CACNA1I: variants seen among roughly 807,000 people sequenced by gnomAD.
The protein encoded by CACNA1I is voltage-dependent T-type calcium channel subunit alpha-1I.
Under a neutral mutation model 201.6 loss-of-function variants are expected in CACNA1I, and 74 were observed. That is an observed-to-expected ratio of 0.37 (90% CI 0.30 to 0.45). CACNA1I has a LOEUF of 0.45. Among genes scored for constraint, CACNA1I ranks in the 20% least tolerant of loss-of-function variants. CACNA1I has a pLI of 1.00. For synonymous variants in CACNA1I, 1,431 were observed against 1,345.2 expected (o/e 1.06, Z -1.40); for missense variants, 2,346 against 3,138.1 (o/e 0.75, Z 6.03).
chr22:39,640,070 G>T (rs1934314822), intron 5 of CACNA1I, among the ~76,000 whole-genome samples: 1 of 152,164 alleles, frequency 6.6e-6, no homozygotes, highest in Non-Finnish European at 1.5e-5. Context: ...ATTGTTGTCT[G>T]TTTTATAGAT....
At chr22:39,621,855 T>G (rs1378218321) in intron 4 of CACNA1I, among the ~76,000 whole-genome samples, 2 of 151,912 alleles carry the variant, frequency 1.3e-5, no homozygotes, top group African/African-American at 4.8e-5. Flanking sequence ...GGAGGGGACA[T>G]GCGGAGAGGC....
chr22:39,631,349 G>A (rs1169346987), intron 4 of CACNA1I, among the ~76,000 whole-genome samples: 1 of 152,218 alleles, frequency 6.6e-6, no homozygotes, highest in Non-Finnish European at 1.5e-5. Flanking sequence ...GGGAGCCAGG[G>A]CCCTCAATCA....
chr22:39,597,759 GAGGGAAAGGTGGTCAGAGA>G (rs1932923343), intron 1 of CACNA1I, among the ~76,000 whole-genome samples: 1 of 152,252 alleles, frequency 6.6e-6, no homozygotes, highest in Admixed American at 6.5e-5. Context: ...TGGGTCAGGG[GAGGGAAAGGTGGTCAGAGA>G]AGGGAGGCAG....
chr22:39,659,877 G>T lies in CACNA1I; in HGVS notation c.2604+25G>T, dbSNP rs1934945557. ...GGTGACTGTGGTCTTGGCAGAGGAA[G>T]CACCCCCACAGGGTCTGCGAAAGAC... On this transcript the variant is annotated intron_variant, in intron 14 of 36. Transcript: ENST00000402142. The surrounding 1 kb of genome is among the most constrained non-coding windows in gnomAD (Gnocchi z 4.3). 1 of 1,613,426 alleles carries T rather than the reference G, an allele frequency of 6.2e-7. No individual in the cohort carries two copies. Among genetic ancestry groups the T allele is most frequent in the Non-Finnish European group, 8.5e-7 (1 of 1,179,674 alleles).
chr22:39,639,629 C>G (rs1934304184), intron 5 of CACNA1I, among the ~76,000 whole-genome samples: 1 of 152,146 alleles, frequency 6.6e-6, no homozygotes, highest in South Asian at 2.1e-4. Flanking sequence ...GATACCAGGT[C>G]TTCAAAAAGT....
rs1377577344 is a variant in CACNA1I, at chr22:39,658,168, A to G, written c.2009A>G (p.Asn670Ser). 6.2e-7 allele frequency: 1 copy of G among 1,613,972 alleles called. No individual in the cohort carries two copies. Among genetic ancestry groups the G allele is most frequent in the Admixed American group, 1.7e-5 (1 of 60,020 alleles). The change falls in exon 11 of 37, where the codon AAC (asparagine) becomes AGC (serine). Residue 670 changes from asparagine to serine, a missense_variant. Physicochemically the swap from Asn to Ser is conservative, Grantham distance 46. Coordinates refer to ENST00000402142, the MANE Select transcript of CACNA1I (RefSeq NM_021096.4). The part of the protein sequence containing the change: ...EHHEQPEELT[N>S]ILEICNVVFT... ...GCCCCACAGCCGGAGGAGCTGACCA[A>G]CATCCTGGAGATCTGCAATGTGGTC...
chr22:39,670,300 C>G (rs1054775483), intron 25 of CACNA1I, 70 bp downstream of exon 25: 1 of 1,486,324 alleles, frequency 6.7e-7, no homozygotes, highest in African/African-American at 1.4e-5. Flanking sequence ...TGACCCCAGC[C>G]TCCTGAGCCT....
At chr22:39,631,816 A>C (rs1258991835) in intron 4 of CACNA1I, among the ~76,000 whole-genome samples, 1 of 152,208 alleles carries the variant, frequency 6.6e-6, no homozygotes, top group Non-Finnish European at 1.5e-5. Flanking sequence ...GACTGTGGGC[A>C]TGAAAGGAAG....
In CACNA1I at chr22:39,666,933, C is replaced by T. The variant is rs1169581341; in HGVS notation, c.4104+927C>T. Among the ~76,000 whole-genome samples, 2 of 152,202 alleles carry T rather than the reference C, an allele frequency of 1.3e-5. No individual in the cohort carries two copies. The highest frequency in any genetic ancestry group is 1.5e-5 in the Non-Finnish European group (1 of 68,028). On this transcript the variant is annotated intron_variant, in intron 23 of 36. Transcript: ENST00000402142. This position sits in a 1 kb window ranked among gnomAD's most constrained non-coding sequence, Gnocchi z 4.1. ...GAACCAGCCAGCGGCCTTTTGTGCC[C>T]GTGCTCCTGACCCCCTTCACCTATG...
In CACNA1I at chr22:39,659,304, G is replaced by A; in HGVS notation, c.2331-129G>A. The A allele has an allele frequency of 1.1e-6, 1 of 933,814 alleles. No individual in the cohort carries two copies. Among genetic ancestry groups the A allele is most frequent in the Admixed American group, 2.1e-5 (1 of 47,738 alleles). The allele number at this position is 933,814 out of a possible 1,614,324, so 57.8% of individuals were successfully genotyped here. A position where few individuals can be genotyped will look rare whatever the true frequency, so the allele number is the denominator to read the frequency against. ...CCCCTAAGCCTCAGTGTTCATCTCT[G>A]TAAAATGGGACCAACGCTGCCCCGC... On this transcript the variant is annotated intron_variant, in intron 12 of 36. Transcript: ENST00000402142. The surrounding 1 kb of genome is among the most constrained non-coding windows in gnomAD (Gnocchi z 4.3).
Position 39,658,200 on chromosome 22 carries a change from A to G in CACNA1I, c.2041A>G (p.Ser681Gly), listed in dbSNP as rs1211945216. The part of the protein sequence containing the change: ...ILEICNVVFT[S>G]MFALEMILKL... ...GGAGATCTGCAATGTGGTCTTCACCAGCATGTTTGCCCTGGAGATGATCCT... is the reference window on the plus strand; with the variant it reads ...GGAGATCTGCAATGTGGTCTTCACCGGCATGTTTGCCCTGGAGATGATCCT... The change falls in exon 11 of 37, where the codon AGC becomes GGC. Residue 681 changes from serine (S) to glycine (G), a missense_variant. Ser to Gly is a moderately conservative substitution (Grantham distance 56). Coordinates refer to ENST00000402142, the MANE Select transcript of CACNA1I (RefSeq NM_021096.4). The G allele has an allele frequency of 1.2e-6, 2 of 1,613,892 alleles. No individual in the cohort carries two copies. Among genetic ancestry groups the G allele is most frequent in the Non-Finnish European group, 1.7e-6 (2 of 1,179,880 alleles).
chr22:39,646,431 A>C (rs1934488297), intron 7 of CACNA1I, 138 bp from the exon 8 acceptor site: 3 of 1,322,360 alleles, frequency 2.3e-6, no homozygotes, highest in Non-Finnish European at 2.0e-6. Context: ...CGCCATCTCC[A>C]TCTCCATCTC....
intron 6 of CACNA1I, 117 bp from the exon 7 acceptor site, chr22:39,642,678 CGA>C: frequency 1.5e-6 from 1 of 675,214 alleles, no homozygotes; most frequent in Non-Finnish European, 2.6e-6. Flanking sequence ...GAGACAGACT[CGA>C]GGCAGCATGT....
In CACNA1I at chr22:39,639,626, G is replaced by C. The variant is rs187004158; in HGVS notation, c.741-1241G>C. ...TTTATATGTCTATTTTTGGATACCA[G>C]GTCTTCAAAAAGTTTATTTTTGTGT... On this transcript the variant is annotated intron_variant, in intron 5 of 36. Coordinates refer to ENST00000402142, the MANE Select transcript of CACNA1I (RefSeq NM_021096.4). Among the ~76,000 whole-genome samples, 366 of 152,174 alleles carry C rather than the reference G, an allele frequency of 2.4e-3. 1 individual carries two copies. The highest frequency in any genetic ancestry group is 6.8e-3 in the Middle Eastern group (2 of 294).
At chr22:39,571,827 C>T in intron 1 of CACNA1I, among the ~76,000 whole-genome samples, 1 of 152,226 alleles carries the variant, frequency 6.6e-6, no homozygotes, top group East Asian at 1.9e-4. Flanking sequence ...CATTTGCCTC[C>T]CCTGGGGTAC....
At chr22:39,660,488 A>C (rs1291310768) in intron 15 of CACNA1I, 51 bp downstream of exon 15, 24 of 1,341,840 alleles carry the variant, frequency 1.8e-5, no homozygotes, top group Non-Finnish European at 2.4e-5. Flanking sequence ...TTCTCCACAG[A>C]TCCAGGTGGG....
chr22:39,659,868 G>A lies in CACNA1I; in HGVS notation c.2604+16G>A. On this transcript the variant is annotated intron_variant, in intron 14 of 36. Coordinates refer to ENST00000402142, the MANE Select transcript of CACNA1I (RefSeq NM_021096.4). The surrounding 1 kb of genome is among the most constrained non-coding windows in gnomAD (Gnocchi z 4.3). ...CCAGGCGGAGGTGACTGTGGTCTTG[G>A]CAGAGGAAGCACCCCCACAGGGTCT... The A allele has an allele frequency of 1.2e-6, 2 of 1,613,532 alleles. No homozygotes were observed. Among genetic ancestry groups the A allele is most frequent in the Non-Finnish European group, 1.7e-6 (2 of 1,179,736 alleles).
At chr22:39,664,713 T>TGACCCC (rs1935130660) in intron 20 of CACNA1I, 26 bp from the exon 21 acceptor site, 4 of 532,886 alleles carry the variant, frequency 7.5e-6, no homozygotes, top group Non-Finnish European at 5.4e-6. Context: ...CGCGGCAGCC[T>TGACCCC]GACCCCGGCC....
intron 1 of CACNA1I, among the ~76,000 whole-genome samples, chr22:39,571,969 G>A (rs971144979): frequency 5.3e-5 from 8 of 151,980 alleles, no homozygotes; most frequent in African/African-American, 1.9e-4. Context: ...AGCGTTGGTT[G>A]GGTAGAGAGG....
Sources: allele counts gnomAD v4.1 joint callset (sites outside exome capture counted in the v4.1 genomes callset), GRCh38; gene constraint gnomAD v4.1.1; non-coding constraint Gnocchi (gnomAD v3.1); transcripts MANE v1.5; gene names NCBI Gene and HGNC (gene_info 2026-07-23, HGNC 2026-07-21).